The following TROAP variants were observed in gnomAD, a reference collection of about 807,000 sequenced individuals.
The protein encoded by TROAP is tastin.
A neutral mutation model predicts 83.4 loss-of-function variants in TROAP; 62 were observed. That is an observed-to-expected ratio of 0.74 (90% confidence interval 0.61 to 0.92). The LOEUF is 0.92. TROAP is among the 40% of genes least tolerant of loss of function. The pLI, the probability that TROAP is intolerant of heterozygous loss-of-function variation, is 0.00. For synonymous variants in TROAP, 352 were observed against 386.4 expected, an observed-to-expected ratio of 0.91 and a Z score of 1.04; for missense variants, 876 against 985.1, an observed-to-expected ratio of 0.89 and a Z score of 1.48.
rs1012607168 is a variant in TROAP at position 49,328,875 on chromosome 12, T to A, written c.892-52T>A. ...CGAGACTCCGTATCAAAAAAAAAAA[T>A]AGGAAGACAAAGGGGGCGGGGATCA... On this transcript the variant is annotated intron_variant, in intron 8 of 14. Transcript: ENST00000257909. 13 of 1,492,672 alleles carry A rather than the reference T, an allele frequency of 8.7e-6. No individual in the cohort carries two copies. The Admixed American group carries it at 2.1e-4, about 24-fold the overall frequency. 92.5% of individuals were successfully genotyped at this position (1,492,672 alleles called of 1,614,324 possible).
chr12:49,331,385 T>G lies in TROAP; in HGVS notation c.2270T>G (p.Leu757Ter). The stretch of plus-strand genomic sequence containing the variant: ...GTCTGCACCAACCCTGTGGCTACAT[T>G]ACTCGAATGGCAGGATGCCCTGGTG... ...TRVCTNPVAT[L>*]LEWQDALCFI... The change falls in exon 14 of 15, where the codon TTA (leucine) becomes TGA (stop). Residue 757 changes from leucine to a stop codon, truncating the protein, a stop_gained. Transcript: ENST00000257909. LOFTEE classifies it high-confidence loss of function. 6.2e-7 allele frequency: 1 copy of G among 1,613,662 alleles called. No individual in the cohort carries two copies. Among genetic ancestry groups the G allele is most frequent in the Non-Finnish European group, 8.5e-7 (1 of 1,179,642 alleles).
In TROAP at chr12:49,329,909, A is replaced by C; in HGVS notation, c.1217A>C (p.Glu406Ala). ...CAGGAGAGTTGTATAAGGTCACTGG[A>C]GGGTTCTGGGAAACCACCGGTGGCC... ...FDQESCIRSL[E>A]GSGKPPVATP... Residue 406 changes from glutamate (E) to alanine (A), a missense_variant, in exon 12 of 15, where the codon GAG (glutamate) becomes GCG (alanine). Around this residue, in one of 3 missense-constraint regions of TROAP, gnomAD observed 689 missense variants for 722.6 expected, o/e 0.95. Transcript: ENST00000257909. The surrounding 1 kb of genome is among the most constrained non-coding windows in gnomAD (Gnocchi z 4.5). The C allele has an allele frequency of 6.2e-7, 1 of 1,613,932 alleles. No homozygotes were observed. The highest frequency in any genetic ancestry group is 1.1e-5 in the South Asian group (1 of 91,074).
At chr12:49,325,703 G>T (rs755448819) in intron 4 of TROAP, 44 bp from the exon 5 acceptor site, 4 of 1,612,756 alleles carry the variant, frequency 2.5e-6, no homozygotes, top group Non-Finnish European at 2.5e-6. Flanking sequence ...GGGCACTGAG[G>T]GGGGCATCCT....
In TROAP at chr12:49,330,893, G is replaced by GC; in HGVS notation, c.2054dup (p.Ile686TyrfsTer48). Reference sequence around the variant, plus strand: ...TCTTCCCAACACCCGCTTTGTGCCAGCCCCCCTATCTGCTCACTCCAGTCT... The same window carrying GC: ...TCTTCCCAACACCCGCTTTGTGCCAGCCCCCCCTATCTGCTCACTCCAGTCT... On this transcript the variant is annotated frameshift_variant, in exon 13 of 15. Coordinates refer to ENST00000257909, the MANE Select transcript of TROAP (RefSeq NM_005480.4). LOFTEE classifies it high-confidence loss of function. The GC allele has an allele frequency of 6.2e-6, 10 of 1,612,730 alleles. No individual in the cohort carries two copies. Among genetic ancestry groups the GC allele is most frequent in the Non-Finnish European group, 8.5e-6 (10 of 1,179,962 alleles).
At chr12:49,326,841 A>G in intron 7 of TROAP, 121 bp downstream of exon 7, 1 of 1,099,848 alleles carries the variant, frequency 9.1e-7, no homozygotes, top group Non-Finnish European at 1.3e-6. Context: ...CCGGGAGGCT[A>G]GGTCAGAAGG....
At chr12:49,328,233 T>C (rs1202916140) in intron 8 of TROAP, among the ~76,000 whole-genome samples, 1 of 144,560 alleles carries the variant, frequency 6.9e-6, no homozygotes, top group Non-Finnish European at 1.5e-5. Flanking sequence ...TTTTTTTTTT[T>C]TTTTTTTTGA....
Position 49,330,511 on chromosome 12 carries a change from C to T in TROAP, c.1666C>T (p.Leu556=). The change falls in exon 13 of 15, where the codon CTA becomes TTA. Residue 556 remains leucine (L), a synonymous_variant. Transcript: ENST00000257909. ...CTACCCTCCAGCAGAACCCAGGCCC[C>T]TAGAGTCCTGCTGTAGGAGTGAGCC... ...EPYPPAEPRP[L]ESCCRSEPEI... is the part of the protein sequence containing the mutation. The T allele has an allele frequency of 6.2e-7, 1 of 1,613,628 alleles. No homozygotes were observed. The highest frequency in any genetic ancestry group is 8.5e-7 in the Non-Finnish European group (1 of 1,179,704).
Position 49,329,010 on chromosome 12 carries a change from C to T in TROAP, c.975C>T (p.Pro325=), listed in dbSNP as rs2230550. 0.016 allele frequency: 26,082 copies of T among 1,611,734 alleles called. 437 individuals carry two copies. Among genetic ancestry groups the T allele is most frequent in the Middle Eastern group, 0.06 (362 of 6,046 alleles). ...GCCATGTGGTGCCATGTCCATCACC[C>T]TTTGGACGGGCTCAGCGTGTACCCT... ...LPGHVVPCPS[P]FGRAQRVPSP... The change falls in exon 9 of 15, where the codon CCC becomes CCT. Residue 325 remains proline, a synonymous_variant. Coordinates refer to ENST00000257909, the MANE Select transcript of TROAP (RefSeq NM_005480.4). The surrounding 1 kb of genome is among the most constrained non-coding windows in gnomAD (Gnocchi z 4.5).
intron 8 of TROAP, among the ~76,000 whole-genome samples, chr12:49,328,370 T>A (rs1407158973): frequency 6.6e-6 from 1 of 151,888 alleles, no homozygotes; most frequent in East Asian, 2.0e-4. Flanking sequence ...AATACAGGCA[T>A]GCACCACCAC....
At chr12:49,327,481 C>A in intron 8 of TROAP, 151 bp downstream of exon 8, 1 of 1,035,490 alleles carries the variant, frequency 9.7e-7, no homozygotes, top group Non-Finnish European at 1.4e-6. Flanking sequence ...CAGATGCACC[C>A]AGTCCCTCTC....
rs1195059819 is a variant in TROAP, at chr12:49,323,840, C to T, written c.145-5C>T. ...TCACCTTTTTGTCCCCGCTCCCTCC[C>T]CTAGAGATGGGTGCAGAAACCACCG... On this transcript the variant is annotated splice_polypyrimidine_tract_variant and splice_region_variant and intron_variant, in intron 2 of 14. Transcript: ENST00000257909. 1 of 1,614,002 alleles carries T rather than the reference C, an allele frequency of 6.2e-7. No homozygotes were observed. The highest frequency in any genetic ancestry group is 2.2e-5 in the East Asian group (1 of 44,878).
Position 49,331,608 on chromosome 12 carries a change from C to A in TROAP, c.2328C>A (p.Gly776=). Residue 776 remains glycine, a synonymous_variant, in exon 15 of 15, where the codon GGC becomes GGA. Coordinates refer to ENST00000257909, the MANE Select transcript of TROAP (RefSeq NM_005480.4). The part of the protein sequence containing the change: ...FIPVGSAAPQ[G]SP ...CAGTTGGTTCTGCTGCCCCCCAGGGCTCTCCATGATGAGACAACCACTCCT... is the reference window on the plus strand; with the variant it reads ...CAGTTGGTTCTGCTGCCCCCCAGGGATCTCCATGATGAGACAACCACTCCT... 2 of 1,614,204 alleles carry A rather than the reference C, an allele frequency of 1.2e-6. No individual in the cohort carries two copies. Among genetic ancestry groups the A allele is most frequent in the Non-Finnish European group, 1.7e-6 (2 of 1,180,026 alleles).
chr12:49,326,094 T>G lies in TROAP; in HGVS notation c.652T>G (p.Ser218Ala). ...LQALISPSGP[S>A]FHPSTRPSFQ... ...GGATCAGATTTCACCTTCAGGACCT[T>G]CCTTTCACCCTTCCACTCGCCCCAG... The change falls in exon 6 of 15, where the codon TCC becomes GCC. Residue 218 changes from serine to alanine, a missense_variant. Physicochemically the swap from Ser to Ala is moderately conservative, Grantham distance 99 (BLOSUM62 1). This residue lies in a region of TROAP where 689 missense variants were observed against 722.6 expected (regional missense o/e 0.95). Coordinates refer to ENST00000257909, the MANE Select transcript of TROAP (RefSeq NM_005480.4). 6.2e-7 allele frequency: 1 copy of G among 1,613,854 alleles called. No homozygotes were observed. Among genetic ancestry groups the G allele is most frequent in the Non-Finnish European group, 8.5e-7 (1 of 1,180,016 alleles).
rs1048826856 is a variant in TROAP at position 49,327,282 on chromosome 12, G to C, written c.843G>C (p.Leu281=). The C allele has an allele frequency of 4.3e-6, 7 of 1,614,182 alleles. No individual in the cohort carries two copies. Among genetic ancestry groups the C allele is most frequent in the Non-Finnish European group, 4.2e-6 (5 of 1,180,022 alleles). ...AAGGAGGTGTGGCCTCTCTTGGTCT[G>C]GCCCAGCGAGTACCATTAAGAGAAA... ...SDEGGVASLG[L]AQRVPLRENR... Residue 281 remains leucine, a synonymous_variant, in exon 8 of 15, where the codon CTG becomes CTC. Coordinates refer to ENST00000257909, the MANE Select transcript of TROAP (RefSeq NM_005480.4).
chr12:49,326,582 G>T, intron 6 of TROAP, 86 bp from the exon 7 acceptor site: 1 of 1,343,054 alleles, frequency 7.4e-7, no homozygotes. Flanking sequence ...AGAATGAAAT[G>T]AGATGATGTT....
chr12:49,330,263 C>CT lies in TROAP; in HGVS notation c.1419dup (p.Glu474Ter). 6.2e-7 allele frequency: 1 copy of CT among 1,614,180 alleles called. No individual in the cohort carries two copies. Among genetic ancestry groups the CT allele is most frequent in the South Asian group, 1.1e-5 (1 of 91,088 alleles). ...ATGGTTGAACTTCAGCCCCTGCTGA[C>CT]TGAGATTTCTAGAACTCTGAATGCC... is the stretch of plus-strand genomic sequence containing the variant. On this transcript the variant is annotated frameshift_variant, in exon 13 of 15. Coordinates refer to ENST00000257909, the MANE Select transcript of TROAP (RefSeq NM_005480.4). LOFTEE classifies it high-confidence loss of function.
In TROAP at chr12:49,330,199, G is replaced by A. The variant is rs750458260; in HGVS notation, c.1354G>A (p.Gly452Ser). The part of the protein sequence containing the change: ...LRQEVEGLVG[G>S]QCVPLNGGSS... Reference sequence around the variant, plus strand: ...ACAGGAAGTAGAGGGGCTGGTAGGGGGCCAGTGTGTCCCTCTTAATGGAGG... The same window carrying A: ...ACAGGAAGTAGAGGGGCTGGTAGGGAGCCAGTGTGTCCCTCTTAATGGAGG... Residue 452 changes from glycine (G) to serine (S), a missense_variant, in exon 13 of 15, where the codon GGC (glycine) becomes AGC (serine). By Grantham distance (56) the Gly-to-Ser change is moderately conservative (BLOSUM62 0). Around this residue, in one of 3 missense-constraint regions of TROAP, gnomAD observed 689 missense variants for 722.6 expected, o/e 0.95. Coordinates refer to ENST00000257909, the MANE Select transcript of TROAP (RefSeq NM_005480.4). The A allele has an allele frequency of 5.0e-6, 8 of 1,613,922 alleles. No individual in the cohort carries two copies. In the South Asian group the frequency reaches 6.6e-5, roughly 13 times the overall value.
intron 8 of TROAP, among the ~76,000 whole-genome samples, chr12:49,327,669 C>T (rs1175305714): frequency 6.6e-6 from 1 of 152,136 alleles, no homozygotes; most frequent in Non-Finnish European, 1.5e-5. Context: ...GAGTGCCAGG[C>T]TCTGTTCTAG....
chr12:49,330,780 G>A lies in TROAP; in HGVS notation c.1935G>A (p.Glu645=). The A allele has an allele frequency of 6.2e-7, 1 of 1,614,032 alleles. No individual in the cohort carries two copies. Among genetic ancestry groups the A allele is most frequent in the South Asian group, 1.1e-5 (1 of 91,086 alleles). The change falls in exon 13 of 15, where the codon GAG becomes GAA. Residue 645 remains glutamate (E), a synonymous_variant. Coordinates refer to ENST00000257909, the MANE Select transcript of TROAP (RefSeq NM_005480.4). ...PCPRVELGAS[E]PCTLEHRSLE... ...CTAGGGTAGAGCTGGGGGCATCAGA[G>A]CCCTGCACCCTGGAACATAGAAGTC...
Sources: allele counts gnomAD v4.1 joint callset (sites outside exome capture counted in the v4.1 genomes callset), GRCh38; gene constraint gnomAD v4.1.1; regional missense constraint gnomAD v4.1.1; non-coding constraint Gnocchi (gnomAD v3.1); transcripts MANE v1.5; gene names NCBI Gene and HGNC (gene_info 2026-07-23, HGNC 2026-07-21).